Variants in BCAS4 observed in about 807,000 individuals in gnomAD.
The protein encoded by BCAS4 is breast carcinoma-amplified sequence 4.
Under a neutral mutation model 15.7 loss-of-function variants are expected in BCAS4, and 9 were observed. The ratio of observed to expected loss-of-function variants is 0.57; its 90% CI spans 0.34 to 1.00. The LOEUF (loss-of-function observed/expected upper bound fraction) is 1.00. Among genes scored for constraint, BCAS4 ranks in the 50% least tolerant of loss-of-function variants. The pLI is 0.02. For missense variants in BCAS4, 225 were observed against 239.1 expected (o/e 0.94, Z 0.39); for synonymous variants, 101 against 99.5 (o/e 1.02, Z -0.09).
At chr20:50,871,483 T>A (rs1400761939) in intron 4 of BCAS4, among the ~76,000 whole-genome samples, 2 of 152,186 alleles carry the variant, frequency 1.3e-5, no homozygotes, top group Non-Finnish European at 2.9e-5. Flanking sequence ...TTCAAAGCAC[T>A]TGCTGCCACC....
intron 3 of BCAS4, among the ~76,000 whole-genome samples, chr20:50,836,578 G>T (rs1214574793): frequency 6.6e-6 from 1 of 152,138 alleles, no homozygotes; most frequent in African/African-American, 2.4e-5. Flanking sequence ...GCCAGCCGGG[G>T]GTCCTGGGGT....
chr20:50,878,812 A>T (rs971477784), downstream of BCAS4: 1 of 152,186 alleles, frequency 6.6e-6, no homozygotes, highest in African/African-American at 2.4e-5. Flanking sequence ...TATTACAGAA[A>T]GGGGTGCCTA....
rs2088485868 is a variant in BCAS4, at chr20:50,841,853, GC to G, written c.355del (p.Leu119CysfsTer23). On this transcript the variant is annotated frameshift_variant, in exon 4 of 5. Transcript: ENST00000371608. LOFTEE classifies it low-confidence loss of function (END_TRUNC). ...AERDHGAFPQ[A>X]LRRWLGSAGL... ...GCGGGACCATGGGGCCTTCCCTCAG[GC>G]CCTGCGGAGGTGGCTGGGATCCGCA... is the stretch of plus-strand genomic sequence containing the variant. The G allele has an allele frequency of 6.2e-7, 1 of 1,609,630 alleles. No individual in the cohort carries two copies. Among genetic ancestry groups the G allele is most frequent in the African/African-American group, 1.3e-5 (1 of 74,780 alleles).
downstream of BCAS4, chr20:50,879,099 G>A (rs1273986622): frequency 2.0e-5 from 3 of 152,360 alleles, no homozygotes; most frequent in Admixed American, 6.5e-5. Context: ...ACCTTGGGAG[G>A]TGTCACTGTT....
At chr20:50,868,160 C>T (rs1330844013) in intron 4 of BCAS4, among the ~76,000 whole-genome samples, 1 of 152,178 alleles carries the variant, frequency 6.6e-6, no homozygotes, top group East Asian at 1.9e-4. Context: ...CAAGGATACT[C>T]AACATGGCTC....
chr20:50,832,256 C>T (rs2088352214), intron 3 of BCAS4, among the ~76,000 whole-genome samples: 1 of 150,512 alleles, frequency 6.6e-6, no homozygotes, highest in Admixed American at 6.6e-5. Context: ...GAAAAGAAAA[C>T]AACACACTTT....
chr20:50,846,694 A>G (rs1166125792), intron 4 of BCAS4: 2 of 137,090 alleles, frequency 1.5e-5, no homozygotes, highest in Non-Finnish European at 3.0e-5. Flanking sequence ...GCTCACTGCA[A>G]CCTCCGCCTC....
intron 4 of BCAS4, among the ~76,000 whole-genome samples, chr20:50,865,270 G>C (rs1391146835): frequency 2.0e-5 from 3 of 152,134 alleles, no homozygotes; most frequent in Non-Finnish European, 4.4e-5. Context: ...AGAGGGATGG[G>C]GAGGGGCAGG....
chr20:50,838,699 C>G (rs1321214521), intron 3 of BCAS4, among the ~76,000 whole-genome samples: 1 of 152,084 alleles, frequency 6.6e-6, no homozygotes, highest in Non-Finnish European at 1.5e-5. Context: ...ACAAAATTAG[C>G]TGGACGTGGT....
intron 4 of BCAS4, among the ~76,000 whole-genome samples, chr20:50,863,875 G>A (rs1979220502): frequency 6.6e-6 from 1 of 152,248 alleles, no homozygotes; most frequent in African/African-American, 2.4e-5. Context: ...GGGCTACGAA[G>A]GACTCTTCCA....
At chr20:50,829,838 A>G (rs868051003) in intron 2 of BCAS4, among the ~76,000 whole-genome samples, 2 of 152,108 alleles carry the variant, frequency 1.3e-5, no homozygotes, top group Non-Finnish European at 2.9e-5. Context: ...CATCTGATAC[A>G]TAAGAGTTGT....
intron 1 of BCAS4, among the ~76,000 whole-genome samples, chr20:50,807,608 T>C (rs1246714149): frequency 6.6e-6 from 1 of 152,232 alleles, no homozygotes; most frequent in Non-Finnish European, 1.5e-5. Flanking sequence ...GCAGCACTCA[T>C]CACCTAAATA....
intron 2 of BCAS4, among the ~76,000 whole-genome samples, chr20:50,822,381 C>G (rs563979028): frequency 8.5e-5 from 13 of 152,200 alleles, no homozygotes; most frequent in Non-Finnish European, 1.8e-4. Context: ...TATTCTACCC[C>G]TTCATGGAAG....
intron 4 of BCAS4, among the ~76,000 whole-genome samples, chr20:50,842,280 A>G (rs1387745273): frequency 6.6e-6 from 1 of 152,176 alleles, no homozygotes; most frequent in East Asian, 1.9e-4. Flanking sequence ...AAGCTGGCCC[A>G]ACAAGCCGGG....
intron 3 of BCAS4, chr20:50,840,625 C>T: frequency 1.9e-6 from 3 of 1,603,626 alleles, no homozygotes; most frequent in East Asian, 2.2e-5. Flanking sequence ...TTACGATTCG[C>T]CTGCTTGCTT....
At chr20:50,798,673 T>G (rs151032940) in intron 1 of BCAS4, among the ~76,000 whole-genome samples, 115 of 152,298 alleles carry the variant, frequency 7.6e-4, no homozygotes, top group African/African-American at 2.6e-3. Flanking sequence ...ACTGGGCACA[T>G]TTGAAGTGTT....
At chr20:50,811,726 G>A (rs1254809117) in intron 1 of BCAS4, among the ~76,000 whole-genome samples, 4 of 152,040 alleles carry the variant, frequency 2.6e-5, no homozygotes, top group Admixed American at 1.3e-4. Context: ...GAGTTCAAGC[G>A]ATTCTCATGC....
rs111439880 is a variant in BCAS4, at chr20:50,832,504, C to G, written c.264+2124C>G. On this transcript the variant is annotated intron_variant, in intron 3 of 4. Transcript: ENST00000371608. The stretch of plus-strand genomic sequence containing the variant: ...AACTCCCGACCTCAAGAGATCTGCC[C>G]GCCTCAGCCTCCCAAAGTGCTGGGA... 3.9e-5 allele frequency among the ~76,000 whole-genome samples: 6 copies of G among 152,134 alleles called. No individual in the cohort carries two copies. The South Asian group carries it at 1.2e-3, about 32-fold the overall frequency.
At chr20:50,837,681 T>G (rs570785975) in intron 3 of BCAS4, among the ~76,000 whole-genome samples, 1 of 152,332 alleles carries the variant, frequency 6.6e-6, no homozygotes, top group South Asian at 2.1e-4. Context: ...GAGTCGGAGC[T>G]GCCCTGGCCC....
Sources: gnomAD v4.1 joint callset for allele counts (sites outside exome capture counted in the v4.1 genomes callset) on GRCh38, gnomAD v4.1.1 for gene constraint, MANE v1.5 for transcripts, NCBI Gene and HGNC (gene_info 2026-07-23, HGNC 2026-07-21) for gene names.